Variants in CTBP1 observed in about 807,000 individuals in gnomAD.
The protein encoded by CTBP1 is C-terminal-binding protein 1.
CTBP1 carries 11 observed loss-of-function variants against 42.1 expected under a neutral mutation model. That is an observed-to-expected ratio of 0.26 (90% CI 0.16 to 0.43). The LOEUF (loss-of-function observed/expected upper bound fraction) is 0.43, where lower values mean the gene tolerates loss of function less well. Among genes scored for constraint, CTBP1 ranks in the 20% least tolerant of loss-of-function variants. The pLI is 1.00. For synonymous variants in CTBP1, 324 were observed against 277.1 expected, an observed-to-expected ratio of 1.17 and a Z score of -1.68; for missense variants, 399 against 624.3, an observed-to-expected ratio of 0.64 and a Z score of 3.85.
chr4:1,225,656 G>T (rs901288586), intron 4 of CTBP1, 90 bp from the exon 5 acceptor site: 1 of 1,344,982 alleles, frequency 7.4e-7, no homozygotes, highest in East Asian at 2.5e-5. Context: ...CGGGTTTGAA[G>T]CTTCCCAAGG....
At chr4:1,232,086 C>T (rs1447159405) in intron 3 of CTBP1, among the ~76,000 whole-genome samples, 1 of 152,218 alleles carries the variant, frequency 6.6e-6, no homozygotes, top group Non-Finnish European at 1.5e-5. Flanking sequence ...CAGACAGGAC[C>T]TCGCTGGACT....
In CTBP1 at chr4:1,248,716, C is replaced by T. The variant is rs570114795; in HGVS notation, c.-189+200G>A. On this transcript the variant is annotated intron_variant, in intron 1 of 9. Transcript: ENST00000382952. ...TGCGGCGCTCGCGCACACGCAGCGG[C>T]CCGCGCATGCGCAAGACCCTTCCCG... 1.4e-5 allele frequency: 14 copies of T among 981,886 alleles called. No homozygotes were observed. The East Asian group carries it at 1.5e-3, about 107-fold the overall frequency. The allele number at this position is 981,886 out of a possible 1,614,324, so 60.8% of individuals were successfully genotyped here. A position where few individuals can be genotyped will look rare whatever the true frequency, so the allele number is the denominator to read the frequency against.
At chr4:1,216,245 C>T (rs1228378572) in intron 5 of CTBP1, 40 bp from the exon 6 acceptor site, 8 of 1,572,796 alleles carry the variant, frequency 5.1e-6, no homozygotes, top group African/African-American at 4.1e-5. Flanking sequence ...CTTGCTCACC[C>T]GTGGCCGGGA....
chr4:1,221,654 T>G (rs989099518), intron 5 of CTBP1: 1 of 266,210 alleles, frequency 3.8e-6, no homozygotes, highest in African/African-American at 2.3e-5. Context: ...GTGCCCGTGA[T>G]CCCACCTCGG....
chr4:1,224,867 T>A (rs531188955), intron 5 of CTBP1, among the ~76,000 whole-genome samples: 1 of 151,268 alleles, frequency 6.6e-6, no homozygotes, highest in East Asian at 2.0e-4. Flanking sequence ...TGCTGTGGCA[T>A]CTATGACATC....
In CTBP1 at chr4:1,239,785, C is replaced by T. The variant is rs140061265; in HGVS notation, c.8-1448G>A. Among the ~76,000 whole-genome samples, 348 of 152,348 alleles carry T rather than the reference C, an allele frequency of 2.3e-3. 1 individual carries two copies. Among genetic ancestry groups the T allele is most frequent in the African/African-American group, 7.9e-3 (330 of 41,580 alleles). On this transcript the variant is annotated intron_variant, in intron 2 of 9. Transcript: ENST00000382952. ...CGGAGGAGCCACTGGCCATTCCACC[C>T]ACTTTCCTTCAAGATAGGAAACCAG...
chr4:1,247,718 G>A (rs1441919296), intron 1 of CTBP1, among the ~76,000 whole-genome samples: 1 of 150,374 alleles, frequency 6.7e-6, no homozygotes, highest in African/African-American at 2.4e-5. Flanking sequence ...CTTCCCGAGG[G>A]ACGTGTGCTC....
At chr4:1,214,315 A>C in intron 7 of CTBP1, 28 bp downstream of exon 7, 1 of 1,527,272 alleles carries the variant, frequency 6.5e-7, no homozygotes, top group South Asian at 1.3e-5. Flanking sequence ...AGGGAAGAGC[A>C]GGGGGGCGGC....
intron 6 of CTBP1, among the ~76,000 whole-genome samples, chr4:1,214,906 C>G (rs1397137238): frequency 1.3e-5 from 2 of 152,274 alleles, no homozygotes; most frequent in African/African-American, 4.8e-5. Flanking sequence ...TGACTCCAAC[C>G]CCAGCGGGGC....
chr4:1,247,385 A>T (rs1732825415), intron 1 of CTBP1, among the ~76,000 whole-genome samples: 1 of 152,074 alleles, frequency 6.6e-6, no homozygotes, highest in Non-Finnish European at 1.5e-5. Flanking sequence ...AGAGAGCAAA[A>T]GGCGTCTGCG....
At chr4:1,246,632 A>G (rs1732748223) in intron 1 of CTBP1, among the ~76,000 whole-genome samples, 1 of 152,242 alleles carries the variant, frequency 6.6e-6, no homozygotes, top group South Asian at 2.1e-4. Flanking sequence ...CCGTCAGCTC[A>G]GACCAGGTCA....
chr4:1,214,873 C>T (rs1042512941), intron 6 of CTBP1, among the ~76,000 whole-genome samples: 4 of 152,278 alleles, frequency 2.6e-5, no homozygotes, highest in African/African-American at 7.2e-5. Flanking sequence ...AGCCCAGGGC[C>T]GTCTGTTCTG....
rs960138296 is a variant in CTBP1 at position 1,244,498 on chromosome 4, G to A, written c.-188-2979C>T. 1.1e-5 allele frequency: 11 copies of A among 984,932 alleles called. No individual in the cohort carries two copies. In the Admixed American group the frequency reaches 1.8e-4, roughly 17 times the overall value. 61.0% of individuals were successfully genotyped at this position (984,932 alleles called of 1,614,324 possible). A position where few individuals can be genotyped will look rare whatever the true frequency, so the allele number is the denominator to read the frequency against. On this transcript the variant is annotated intron_variant, in intron 1 of 9. Transcript: ENST00000382952. Reference sequence around the variant, plus strand: ...GGCTCGGCAGCTACCAACCCTCCACGTCCCTCCACTGGCCAGCCCTGCTGG... The same window carrying A: ...GGCTCGGCAGCTACCAACCCTCCACATCCCTCCACTGGCCAGCCCTGCTGG...
chr4:1,242,998 A>G (rs557575545), intron 1 of CTBP1: 59 of 984,936 alleles, frequency 6.0e-5, no homozygotes, highest in Middle Eastern at 5.2e-4. Flanking sequence ...AATGCCAGCC[A>G]ATACTCATCA....
chr4:1,241,714 C>T, intron 1 of CTBP1, 195 bp from the exon 2 acceptor site: 2 of 1,219,440 alleles, frequency 1.6e-6, no homozygotes, highest in South Asian at 3.1e-5. Flanking sequence ...GAAGGGCGCT[C>T]ACCCTGAGGT....
intron 3 of CTBP1, chr4:1,234,754 A>G (rs1731310797): frequency 6.6e-6 from 1 of 152,338 alleles, no homozygotes; most frequent in African/African-American, 2.4e-5. Context: ...CCCAATGAGA[A>G]AACCGTACCT....
intron 4 of CTBP1, among the ~76,000 whole-genome samples, chr4:1,227,498 G>A (rs1265320914): frequency 1.3e-5 from 2 of 148,614 alleles, no homozygotes; most frequent in African/African-American, 2.5e-5. Context: ...GCATGTGCAC[G>A]GGTGCAGATG....
At chr4:1,243,286 CCCTGGCCCT>C in intron 1 of CTBP1, 1 of 985,452 alleles carries the variant, frequency 1.0e-6, no homozygotes, top group Non-Finnish European at 1.2e-6. Context: ...GTGAAGGCCA[CCCTGGCCCT>C]CCTGAAAGGA....
chr4:1,230,139 G>A (rs112539044), intron 3 of CTBP1, among the ~76,000 whole-genome samples: 47 of 152,174 alleles, frequency 3.1e-4, no homozygotes, highest in Admixed American at 1.4e-3. Flanking sequence ...AGTGTGGACG[G>A]GGTGACCCCT....
Sources: gnomAD v4.1 joint callset for allele counts (sites outside exome capture counted in the v4.1 genomes callset) on GRCh38, gnomAD v4.1.1 for gene constraint, MANE v1.5 for transcripts, NCBI Gene and HGNC (gene_info 2026-07-23, HGNC 2026-07-21) for gene names.